The following GPN1 variants were observed in gnomAD, a reference collection of about 807,000 sequenced individuals.
GPN1 encodes the protein ATP(GTP)-binding protein.
A neutral mutation model predicts 55.9 loss-of-function variants in GPN1; 44 were observed. That is an observed-to-expected ratio of 0.79 (90% CI 0.62 to 1.01). The LOEUF (loss-of-function observed/expected upper bound fraction) is 1.01, where lower values mean the gene tolerates loss of function less well. GPN1 is among the 50% of genes least tolerant of loss of function. GPN1 has a pLI of 0.00. For missense variants in GPN1, 466 were observed against 462.8 expected, an observed-to-expected ratio of 1.01 and a Z score of -0.06; for synonymous variants, 179 against 162.5, an observed-to-expected ratio of 1.10 and a Z score of -0.77.
Position 27,642,266 on chromosome 2 carries a change from C to A in GPN1, c.841-163C>A, listed in dbSNP as rs544491749. 1.6e-4 allele frequency: 95 copies of A among 579,198 alleles called. No homozygotes were observed. The Middle Eastern group carries it at 4.3e-3, about 26-fold the overall frequency. The allele number at this position is 579,198 out of a possible 1,614,324, so 35.9% of individuals were successfully genotyped here. ...TCTAAACTTCTGCAGTAACCCAGGCCCACGCTACTTAGTGTTTCTGTCCCT... is the reference window on the plus strand; with the variant it reads ...TCTAAACTTCTGCAGTAACCCAGGCACACGCTACTTAGTGTTTCTGTCCCT... On this transcript the variant is annotated intron_variant, in intron 11 of 13. Coordinates refer to ENST00000610189, the MANE Select transcript of GPN1 (RefSeq NM_007266.4).
chr2:27,644,522 T>A (rs868609072), intron 12 of GPN1, among the ~76,000 whole-genome samples: 5 of 152,160 alleles, frequency 3.3e-5, no homozygotes, highest in Non-Finnish European at 7.3e-5. Context: ...TATATACCTA[T>A]GTTAAAGAGG....
rs1431510340 is a variant in GPN1 at position 27,639,050 on chromosome 2, T to G, written c.717+19T>G. ...ACTCAGGGTAAATTTTCTCTCCTGC[T>G]CACACTGACAGCCTCTCCAGATAAT... is the stretch of plus-strand genomic sequence containing the variant. On this transcript the variant is annotated intron_variant, in intron 9 of 13. Coordinates refer to ENST00000610189, the MANE Select transcript of GPN1 (RefSeq NM_007266.4). 7 of 1,582,394 alleles carry G rather than the reference T, an allele frequency of 4.4e-6. No individual in the cohort carries two copies. Among genetic ancestry groups the G allele is most frequent in the Non-Finnish European group, 6.0e-6 (7 of 1,159,442 alleles).
chr2:27,647,635 A>C (rs535176158), intron 12 of GPN1, among the ~76,000 whole-genome samples: 1 of 152,358 alleles, frequency 6.6e-6, no homozygotes, highest in Admixed American at 6.5e-5. Context: ...TCCTAGGGCT[A>C]TTTGCCTTAT....
intron 12 of GPN1, among the ~76,000 whole-genome samples, chr2:27,647,120 A>G (rs1032421035): frequency 6.6e-6 from 1 of 152,170 alleles, no homozygotes; most frequent in Non-Finnish European, 1.5e-5. Flanking sequence ...TTTCAGGCCC[A>G]CAGGCCCCTT....
intron 8 of GPN1, among the ~76,000 whole-genome samples, chr2:27,638,666 G>A (rs1673825537): frequency 6.6e-6 from 1 of 152,150 alleles, no homozygotes; most frequent in African/African-American, 2.4e-5. Context: ...ACTTGGCAGT[G>A]GATAGTGGAG....
At chr2:27,630,450 G>A (rs553834869) in intron 2 of GPN1, among the ~76,000 whole-genome samples, 79 of 140,402 alleles carry the variant, frequency 5.6e-4, no homozygotes, top group African/African-American at 1.8e-3. Flanking sequence ...GTGCAGTGGC[G>A]TGATTCACAG....
intron 6 of GPN1, 53 bp from the exon 7 acceptor site, chr2:27,635,087 G>C: frequency 8.7e-7 from 1 of 1,144,568 alleles, no homozygotes; most frequent in Non-Finnish European, 1.3e-6. Flanking sequence ...AAAAGAGTTT[G>C]AGGACAGATC....
chr2:27,644,699 T>G (rs1674132071), intron 12 of GPN1, among the ~76,000 whole-genome samples: 1 of 149,440 alleles, frequency 6.7e-6, no homozygotes, highest in Non-Finnish European at 1.5e-5. Context: ...TGCCTTTGCC[T>G]TAGTGAGTTT....
intron 7 of GPN1, among the ~76,000 whole-genome samples, chr2:27,635,677 C>T (rs189637624): frequency 4.9e-4 from 74 of 152,154 alleles, no homozygotes; most frequent in Non-Finnish European, 7.8e-4. Flanking sequence ...AATTAGCCAG[C>T]GTGGTGGCAC....
intron 10 of GPN1, among the ~76,000 whole-genome samples, chr2:27,640,911 C>G (rs1181960943): frequency 6.6e-6 from 1 of 152,164 alleles, no homozygotes; most frequent in African/African-American, 2.4e-5. Context: ...GTATGTTGCA[C>G]GTCCTGAGCT....
intron 13 of GPN1, 116 bp downstream of exon 13, chr2:27,648,059 C>A: frequency 1.5e-6 from 1 of 657,442 alleles, no homozygotes; most frequent in Non-Finnish European, 2.8e-6. Context: ...AAGGATACAG[C>A]ACCAGAAAAG....
intron 10 of GPN1, among the ~76,000 whole-genome samples, chr2:27,640,348 G>A (rs1673889346): frequency 1.3e-5 from 2 of 152,284 alleles, no homozygotes; most frequent in Non-Finnish European, 2.9e-5. Flanking sequence ...GTGATTAAGA[G>A]CAGGGATCAT....
chr2:27,639,041 C>G lies in GPN1; in HGVS notation c.717+10C>G, dbSNP rs376534798. 25 of 1,595,320 alleles carry G rather than the reference C, an allele frequency of 1.6e-5. No homozygotes were observed. The highest frequency in any genetic ancestry group is 4.0e-5 in the African/African-American group (3 of 74,456). ...TTACAGCTCACTCAGGGTAAATTTT[C>G]TCTCCTGCTCACACTGACAGCCTCT... On this transcript the variant is annotated intron_variant, in intron 9 of 13. Transcript: ENST00000610189.
Position 27,629,947 on chromosome 2 carries a change from A to G in GPN1, c.200A>G (p.Asn67Ser). The G allele has an allele frequency of 1.3e-6, 2 of 1,547,504 alleles. No individual in the cohort carries two copies. The highest frequency in any genetic ancestry group is 1.4e-5 in the African/African-American group (1 of 73,720). ...PAVHEVPFPANIDIRDTVKYK... is the reference protein window; with the variant it reads ...PAVHEVPFPASIDIRDTVKYK... ...GTACATGAAGTTCCCTTTCCTGCCAATATTGGTGAGTAAACCAGTAACATA... is the reference window on the plus strand; with the variant it reads ...GTACATGAAGTTCCCTTTCCTGCCAGTATTGGTGAGTAAACCAGTAACATA... Residue 67 changes from asparagine to serine, a missense_variant, in exon 2 of 14, where the codon AAT becomes AGT. By Grantham distance (46) the Asn-to-Ser change is conservative. Coordinates refer to ENST00000610189, the MANE Select transcript of GPN1 (RefSeq NM_007266.4).
At chr2:27,645,834 A>G (rs953184035) in intron 12 of GPN1, among the ~76,000 whole-genome samples, 1 of 151,308 alleles carries the variant, frequency 6.6e-6, no homozygotes, top group Non-Finnish European at 1.5e-5. Flanking sequence ...GGTTCAAGCT[A>G]TTCTCCTGCC....
chr2:27,628,684 C>T (rs1314465022), upstream of GPN1: 4 of 1,551,708 alleles, frequency 2.6e-6, no homozygotes, highest in Non-Finnish European at 8.7e-7. Context: ...AGTGGCTCCG[C>T]TCCCCGTTCT....
At chr2:27,641,669 C>T (rs577898417) in intron 11 of GPN1, among the ~76,000 whole-genome samples, 1 of 152,346 alleles carries the variant, frequency 6.6e-6, no homozygotes, top group South Asian at 2.1e-4. Context: ...TCGCGGCTCA[C>T]TGCAGCCTCG....
chr2:27,644,437 T>C (rs1189522689), intron 12 of GPN1, among the ~76,000 whole-genome samples: 4 of 152,346 alleles, frequency 2.6e-5, no homozygotes, highest in South Asian at 2.1e-4. Flanking sequence ...AAAGTTCTTA[T>C]TTTGTTTTGA....
chr2:27,639,900 T>C (rs1229324562), intron 9 of GPN1, 143 bp from the exon 10 acceptor site: 2 of 690,346 alleles, frequency 2.9e-6, no homozygotes, highest in Admixed American at 4.9e-5. Context: ...TGTTTTGTTC[T>C]TTTTTAGCCT....
Sources: gnomAD v4.1 joint callset for allele counts (sites outside exome capture counted in the v4.1 genomes callset) on GRCh38, gnomAD v4.1.1 for gene constraint, MANE v1.5 for transcripts, NCBI Gene and HGNC (gene_info 2026-07-23, HGNC 2026-07-21) for gene names.